ZSCAN25: variants seen among roughly 807,000 people sequenced by gnomAD.
The protein encoded by ZSCAN25 is zinc finger and SCAN domain-containing protein 25.
In ZSCAN25, 27 loss-of-function variants were observed where a neutral mutation model predicts 38.7. That is an observed-to-expected ratio of 0.70 (90% CI 0.51 to 0.96). The LOEUF is 0.96. Among genes scored for constraint, ZSCAN25 ranks in the 40% least tolerant of loss-of-function variants. The pLI is 0.00. For missense variants in ZSCAN25, 637 were observed against 705.9 expected, an observed-to-expected ratio of 0.90 and a Z score of 1.11; for synonymous variants, 273 against 277.7, an observed-to-expected ratio of 0.98 and a Z score of 0.17.
At chr7:99,654,673 G>C in the ZSCAN25 span, among the ~76,000 whole-genome samples, 1 of 152,212 alleles carries the variant, frequency 6.6e-6, no homozygotes, top group Admixed American at 6.5e-5. Flanking sequence ...TTCCACAATG[G>C]TTGAACTAGT....
chr7:99,670,743 T>C, the ZSCAN25 span, among the ~76,000 whole-genome samples: 19 of 152,314 alleles, frequency 1.2e-4, no homozygotes, highest in African/African-American at 4.3e-4. Flanking sequence ...ATTTGTGAGC[T>C]ACTATTTTCA....
chr7:99,653,319 C>T, the ZSCAN25 span, among the ~76,000 whole-genome samples: 9 of 152,186 alleles, frequency 5.9e-5, no homozygotes, highest in South Asian at 6.2e-4. This position sits in a 1 kb window ranked among gnomAD's most constrained non-coding sequence, Gnocchi z 4.2. Context: ...GGTGTGGTGG[C>T]GTGTGCCTGT....
chr7:99,677,496 C>T, the ZSCAN25 span, among the ~76,000 whole-genome samples: 10 of 152,268 alleles, frequency 6.6e-5, no homozygotes, highest in South Asian at 1.9e-3. Flanking sequence ...ATAAAACGTC[C>T]CGGAGAGTTG....
At chr7:99,622,706 GTT>G in intron 6 of ZSCAN25, 66 bp downstream of exon 6, 1 of 1,483,760 alleles carries the variant, frequency 6.7e-7, no homozygotes, top group Non-Finnish European at 9.4e-7. Context: ...CTTCCCCAAG[GTT>G]TCTCTGCACA....
At chr7:99,622,365 T>A (rs1807054124) in intron 5 of ZSCAN25, 184 bp from the exon 6 acceptor site, 2 of 645,182 alleles carry the variant, frequency 3.1e-6, no homozygotes, top group Non-Finnish European at 5.5e-6. Context: ...CAGCTGAGAA[T>A]AGGGCAAGGG....
chr7:99,719,610 A>G, the ZSCAN25 span, among the ~76,000 whole-genome samples: 19 of 152,276 alleles, frequency 1.2e-4, no homozygotes, highest in African/African-American at 4.6e-4. Context: ...AAAAATATTA[A>G]TACATTGGCC....
the ZSCAN25 span, chr7:99,714,464 A>G: frequency 6.4e-7 from 1 of 1,560,706 alleles, no homozygotes; most frequent in Non-Finnish European, 8.7e-7. Context: ...ATCTTTCTCT[A>G]AAAACATACA....
At chr7:99,697,080 C>T in the ZSCAN25 span, among the ~76,000 whole-genome samples, 60 of 152,264 alleles carry the variant, frequency 3.9e-4, no homozygotes, top group East Asian at 8.7e-3. Context: ...TATAAATTAC[C>T]CAGCCTCAGG....
chr7:99,660,163 G>C, the ZSCAN25 span: 3,727 of 921,084 alleles, frequency 4.0e-3, 108 homozygotes, highest in African/African-American at 0.059. Context: ...TGCTCACGCT[G>C]GGAGCTGTAG....
At chr7:99,736,802 T>A in the ZSCAN25 span, among the ~76,000 whole-genome samples, 1 of 152,148 alleles carries the variant, frequency 6.6e-6, no homozygotes, top group Admixed American at 6.5e-5. Flanking sequence ...CAGGTGAACA[T>A]CATGCCAGAT....
the ZSCAN25 span, among the ~76,000 whole-genome samples, chr7:99,728,961 C>T: frequency 1.4e-4 from 21 of 152,154 alleles, no homozygotes; most frequent in South Asian, 3.7e-3. Context: ...GACCTACTCA[C>T]TGCTGAAAAA....
chr7:99,697,481 A>G, the ZSCAN25 span, among the ~76,000 whole-genome samples: 2 of 152,186 alleles, frequency 1.3e-5, no homozygotes, highest in Admixed American at 1.3e-4. Flanking sequence ...ATATAAATGG[A>G]TCCATATGCG....
chr7:99,632,017 G>A lies in ZSCAN25; in HGVS notation c.*1997G>A. 1 of 985,492 alleles carries A rather than the reference G, an allele frequency of 1.0e-6. No homozygotes were observed. The highest frequency in any genetic ancestry group is 1.1e-4 in the East Asian group (1 of 8,812). 61.0% of individuals were successfully genotyped at this position (985,492 alleles called of 1,614,324 possible). On this transcript the variant is annotated 3_prime_UTR_variant, in exon 8 of 8. Coordinates refer to ENST00000394152, the MANE Select transcript of ZSCAN25 (RefSeq NM_145115.3). ...GGTTTTCCAAAGGCAGGTGGGGACT[G>A]GGGAGGCCTCGGGGGGCTGCTTGTC...
chr7:99,695,929 C>T, the ZSCAN25 span: 1 of 1,068,638 alleles, frequency 9.4e-7, no homozygotes, highest in South Asian at 1.4e-5. Context: ...CTGGAATGCT[C>T]AAGAGAAGGA....
At chr7:99,704,273 A>G in the ZSCAN25 span, among the ~76,000 whole-genome samples, 1 of 152,084 alleles carries the variant, frequency 6.6e-6, no homozygotes, top group Admixed American at 6.5e-5. Context: ...TATGTTACAA[A>G]ATATATGTGC....
the ZSCAN25 span, chr7:99,708,962 T>C: frequency 6.6e-7 from 1 of 1,517,476 alleles, no homozygotes; most frequent in Non-Finnish European, 9.2e-7. Flanking sequence ...AAGCCCAGAC[T>C]GTCCTGTAGA....
At chr7:99,720,525 A>G in the ZSCAN25 span, 1 of 1,142,910 alleles carries the variant, frequency 8.7e-7, no homozygotes, top group South Asian at 1.3e-5. Context: ...TAGATGTACA[A>G]TACACAGTAA....
the ZSCAN25 span, among the ~76,000 whole-genome samples, chr7:99,690,580 G>A: frequency 6.6e-6 from 1 of 152,052 alleles, no homozygotes; most frequent in Admixed American, 6.5e-5. Context: ...AATCTACAAT[G>A]ATCTCAAACA....
At chr7:99,690,019 C>T in the ZSCAN25 span, among the ~76,000 whole-genome samples, 7 of 152,044 alleles carry the variant, frequency 4.6e-5, no homozygotes, top group South Asian at 2.1e-4. Flanking sequence ...AGAACAAAGC[C>T]GCAGGCATCA....
Sources: allele counts gnomAD v4.1 joint callset (sites outside exome capture counted in the v4.1 genomes callset), GRCh38; gene constraint gnomAD v4.1.1; non-coding constraint Gnocchi (gnomAD v3.1); transcripts MANE v1.5; gene names NCBI Gene and HGNC (gene_info 2026-07-23, HGNC 2026-07-21).